The following ULK4 variants were observed in gnomAD, a reference collection of about 807,000 sequenced individuals.
ULK4 encodes the protein inactive serine/threonine-protein kinase ULK4.
A neutral mutation model predicts 160.6 loss-of-function variants in ULK4; 133 were observed. The observed-to-expected ratio is 0.83, with a 90% CI of 0.72 to 0.96. The LOEUF is 0.96. ULK4 is among the 40% of genes least tolerant of loss of function. The pLI is 0.00. For synonymous variants in ULK4, 534 were observed against 539.8 expected, an observed-to-expected ratio of 0.99 and a Z score of 0.15; for missense variants, 1,580 against 1,499.5, an observed-to-expected ratio of 1.05 and a Z score of -0.89.
intron 31 of ULK4, among the ~76,000 whole-genome samples, chr3:41,612,918 C>T (rs999819910): frequency 2.0e-5 from 3 of 152,148 alleles, no homozygotes; most frequent in Admixed American, 6.5e-5. Flanking sequence ...GTTTTAAGTA[C>T]ATCAGACAGA....
At chr3:41,615,883 C>T (rs2032938028) in intron 30 of ULK4, among the ~76,000 whole-genome samples, 166 bp from the exon 31 acceptor site, 1 of 152,118 alleles carries the variant, frequency 6.6e-6, no homozygotes, top group Non-Finnish European at 1.5e-5. Context: ...AGCTATTAAA[C>T]AAGAAATATG....
At chr3:41,728,356 G>A (rs2125861265) in intron 22 of ULK4, among the ~76,000 whole-genome samples, 1 of 152,288 alleles carries the variant, frequency 6.6e-6, no homozygotes, top group Middle Eastern at 3.4e-3. Context: ...GAAGGCAAAG[G>A]GGTGCCAGGG....
At chr3:41,717,963 C>A in intron 22 of ULK4, 102 bp from the exon 23 acceptor site, 2 of 1,362,760 alleles carry the variant, frequency 1.5e-6, no homozygotes, top group South Asian at 1.5e-5. Context: ...GGCACCCTCC[C>A]AATCATATTG....
chr3:41,907,990 C>G (rs1181099939), intron 11 of ULK4, 49 bp from the exon 12 acceptor site: 1 of 1,372,052 alleles, frequency 7.3e-7, no homozygotes. Context: ...ACAGTTTATT[C>G]TCTGTTTACT....
intron 32 of ULK4, among the ~76,000 whole-genome samples, chr3:41,520,680 T>C (rs1476731637): frequency 6.6e-6 from 1 of 152,238 alleles, no homozygotes; most frequent in African/African-American, 2.4e-5. Context: ...CTACCAGCAA[T>C]GCGCAAGGAT....
At chr3:41,577,315 A>C (rs1022882585) in intron 31 of ULK4, among the ~76,000 whole-genome samples, 5 of 152,196 alleles carry the variant, frequency 3.3e-5, no homozygotes, top group Non-Finnish European at 7.4e-5. Context: ...AGACTTTTCT[A>C]GTTCAATCCT....
intron 22 of ULK4, among the ~76,000 whole-genome samples, chr3:41,721,730 G>A (rs1051523110): frequency 6.6e-6 from 1 of 151,822 alleles, no homozygotes; most frequent in African/African-American, 2.4e-5. Context: ...TTTTCTAGGA[G>A]ATATAATGCT....
chr3:41,403,405 A>C (rs540088433), intron 34 of ULK4, among the ~76,000 whole-genome samples: 3 of 152,244 alleles, frequency 2.0e-5, no homozygotes, highest in African/African-American at 4.8e-5. Context: ...GCATTCCCTT[A>C]TTATTCTTTA....
intron 2 of ULK4, among the ~76,000 whole-genome samples, chr3:41,951,969 T>C (rs958680946): frequency 1.3e-5 from 2 of 152,198 alleles, no homozygotes; most frequent in African/African-American, 4.8e-5. Flanking sequence ...AAATTTCTGT[T>C]ATTTATAAGC....
chr3:41,693,630 A>T (rs1219858026), intron 27 of ULK4, among the ~76,000 whole-genome samples: 1 of 152,238 alleles, frequency 6.6e-6, no homozygotes, highest in Non-Finnish European at 1.5e-5. Flanking sequence ...AGAAAGAAAT[A>T]TTAAAAGGAC....
Position 41,898,475 on chromosome 3 carries a change from T to G in ULK4, c.1305A>C (p.Pro435=). The change falls in exon 14 of 37, where the codon CCA becomes CCC. Residue 435 remains proline, a synonymous_variant. Transcript: ENST00000301831. ...IDNPKIMKQP[P]VKFDAKILHL... ...GCAATATTTTTGCATCAAATTTAACTGGTGGCTGTTTCATTATCTGTGGTT... is the reference window on the plus strand; with the variant it reads ...GCAATATTTTTGCATCAAATTTAACGGGTGGCTGTTTCATTATCTGTGGTT... 10 of 1,597,126 alleles carry G rather than the reference T, an allele frequency of 6.3e-6. No homozygotes were observed. Among genetic ancestry groups the G allele is most frequent in the Non-Finnish European group, 7.7e-6 (9 of 1,172,752 alleles).
At chr3:41,902,356 C>A (rs1364315786) in intron 12 of ULK4, among the ~76,000 whole-genome samples, 6 of 151,904 alleles carry the variant, frequency 3.9e-5, no homozygotes, top group African/African-American at 1.4e-4. Flanking sequence ...GAGGTGGGCA[C>A]ATCACGAGGT....
chr3:41,453,622 G>A (rs1158833931), intron 34 of ULK4, among the ~76,000 whole-genome samples: 2 of 152,142 alleles, frequency 1.3e-5, no homozygotes, highest in Non-Finnish European at 2.9e-5. Context: ...AATAAATTAA[G>A]TAACAAATAT....
intron 32 of ULK4, among the ~76,000 whole-genome samples, chr3:41,520,781 T>C (rs559595365): frequency 1.8e-4 from 27 of 152,334 alleles, no homozygotes; most frequent in Non-Finnish European, 3.4e-4. Context: ...TATCTCATTG[T>C]GGTTTTGATT....
chr3:41,803,155 G>C (rs1351490505), intron 19 of ULK4, among the ~76,000 whole-genome samples: 2 of 141,292 alleles, frequency 1.4e-5, no homozygotes, highest in African/African-American at 5.9e-5. Flanking sequence ...TGGGCTTACA[G>C]AGCAAGACTC....
intron 2 of ULK4, among the ~76,000 whole-genome samples, chr3:41,950,720 G>A (rs569096697): frequency 3.3e-5 from 5 of 151,620 alleles, no homozygotes; most frequent in South Asian, 2.1e-4. Flanking sequence ...ATGTACAATC[G>A]AAAAAGGAAA....
chr3:41,423,493 T>C (rs1575540717), intron 34 of ULK4, among the ~76,000 whole-genome samples: 1 of 152,090 alleles, frequency 6.6e-6, no homozygotes, highest in Admixed American at 6.5e-5. Context: ...TAATAGAGCA[T>C]CGTGGTTTCC....
chr3:41,603,521 C>T (rs2125666508), intron 31 of ULK4, among the ~76,000 whole-genome samples: 1 of 152,042 alleles, frequency 6.6e-6, no homozygotes, highest in East Asian at 1.9e-4. Flanking sequence ...TACTATACCC[C>T]AATGAATAAT....
At chr3:41,743,896 C>T (rs2038327884) in intron 22 of ULK4, among the ~76,000 whole-genome samples, 1 of 150,342 alleles carries the variant, frequency 6.7e-6, no homozygotes, top group Non-Finnish European at 1.5e-5. Context: ...CTGGACAAGA[C>T]AATTATATTT....
Sources: allele counts gnomAD v4.1 joint callset (sites outside exome capture counted in the v4.1 genomes callset), GRCh38; gene constraint gnomAD v4.1.1; transcripts MANE v1.5; gene names NCBI Gene and HGNC (gene_info 2026-07-23, HGNC 2026-07-21).